The following MACROD2 variants were observed in gnomAD, a reference collection of about 807,000 sequenced individuals.
The protein encoded by MACROD2 is ADP-ribose glycohydrolase MACROD2.
In MACROD2, 36 loss-of-function variants were observed where a neutral mutation model predicts 70.4. The ratio of observed to expected loss-of-function variants is 0.51; its 90% CI spans 0.39 to 0.68. MACROD2 has a LOEUF of 0.68. Ranked by LOEUF, MACROD2 falls within the 30% of genes least tolerant of loss-of-function variation. MACROD2 has a pLI of 0.00. For synonymous variants in MACROD2, 172 were observed against 178.8 expected (o/e 0.96, Z 0.30); for missense variants, 496 against 538.4 (o/e 0.92, Z 0.78).
chr20:15,936,806 C>T (rs1237518735), intron 11 of MACROD2, among the ~76,000 whole-genome samples: 2 of 152,016 alleles, frequency 1.3e-5, no homozygotes, highest in African/African-American at 2.4e-5. Context: ...GGAGGCCAAA[C>T]ATGACTAGAG....
chr20:14,765,231 T>A (rs1031176782), intron 5 of MACROD2, among the ~76,000 whole-genome samples: 5 of 152,004 alleles, frequency 3.3e-5, no homozygotes, highest in Admixed American at 2.0e-4. Context: ...CTCTATTCCC[T>A]CCCCGCTTTC....
rs192536154 is a variant in MACROD2 at position 14,825,744 on chromosome 20, T to G, written c.418+140785T>G. On this transcript the variant is annotated intron_variant, in intron 5 of 17. Coordinates refer to ENST00000684519, the MANE Select transcript of MACROD2 (RefSeq NM_001351661.2). ...AATATGAGCCAATTTTCACAATAAC[T>G]TGTTTTATTCATGGCCTTCACATTT... is the stretch of plus-strand genomic sequence containing the variant. Among the ~76,000 whole-genome samples the G allele has an allele frequency of 2.4e-3, 371 of 152,266 alleles. 4 individuals are homozygous for G. The highest frequency in any genetic ancestry group is 8.7e-3 in the African/African-American group (361 of 41,568).
chr20:15,662,704 G>C (rs1365846466), intron 8 of MACROD2, among the ~76,000 whole-genome samples: 8 of 127,582 alleles, frequency 6.3e-5, no homozygotes. Flanking sequence ...GCTTGTACAA[G>C]CTCAGAGAGG....
chr20:15,674,910 G>A (rs2050035838), intron 8 of MACROD2, among the ~76,000 whole-genome samples: 1 of 152,134 alleles, frequency 6.6e-6, no homozygotes, highest in Non-Finnish European at 1.5e-5. Context: ...ATTACTTTTA[G>A]TTTTATGGCA....
chr20:15,171,362 C>T, intron 5 of MACROD2, among the ~76,000 whole-genome samples: 1 of 151,646 alleles, frequency 6.6e-6, no homozygotes, highest in Admixed American at 6.6e-5. Context: ...ATCTCCTCCC[C>T]TCCATCCTTC....
At chr20:14,826,178 G>C (rs1357939317) in intron 5 of MACROD2, among the ~76,000 whole-genome samples, 1 of 151,314 alleles carries the variant, frequency 6.6e-6, no homozygotes, top group African/African-American at 2.4e-5. Context: ...TCAATTCCTT[G>C]AGTAATAAAA....
intron 5 of MACROD2, among the ~76,000 whole-genome samples, chr20:14,979,912 A>G (rs1251979697): frequency 6.6e-6 from 1 of 152,212 alleles, no homozygotes; most frequent in East Asian, 1.9e-4. Context: ...TTTACTTCCC[A>G]ATCTATAAAA....
chr20:15,415,994 T>A (rs1270837977), intron 6 of MACROD2, among the ~76,000 whole-genome samples: 5 of 152,222 alleles, frequency 3.3e-5, no homozygotes, highest in African/African-American at 1.2e-4. Context: ...AGCATTTATT[T>A]AGTGAATGGC....
At chr20:14,037,959 T>C (rs554077735) in intron 2 of MACROD2, among the ~76,000 whole-genome samples, 195 of 151,920 alleles carry the variant, frequency 1.3e-3, no homozygotes, top group Middle Eastern at 3.4e-3. Context: ...AGCAGTGAGC[T>C]TGTGAGGGTA....
intron 3 of MACROD2, among the ~76,000 whole-genome samples, chr20:14,113,579 T>G (rs144605594): frequency 2.0e-3 from 297 of 152,192 alleles, no homozygotes; most frequent in African/African-American, 6.7e-3. Flanking sequence ...AGAAAGAGGA[T>G]GAATTCCAGT....
intron 5 of MACROD2, among the ~76,000 whole-genome samples, chr20:14,734,508 A>AG (rs1258629737): frequency 1.4e-5 from 2 of 143,154 alleles, no homozygotes; most frequent in Non-Finnish European, 3.0e-5. Flanking sequence ...ATCAAAAAAA[A>AG]CAAAAAAACA....
At chr20:15,282,210 A>C (rs1041529816) in intron 6 of MACROD2, among the ~76,000 whole-genome samples, 6 of 152,230 alleles carry the variant, frequency 3.9e-5, no homozygotes, top group Non-Finnish European at 8.8e-5. Flanking sequence ...GGCTGCTGTG[A>C]CAACCTCTGA....
chr20:15,469,313 T>A (rs2046935021), intron 7 of MACROD2, among the ~76,000 whole-genome samples: 1 of 152,080 alleles, frequency 6.6e-6, no homozygotes, highest in South Asian at 2.1e-4. Flanking sequence ...AAAGGTAGAA[T>A]TCATTTGCAG....
intron 7 of MACROD2, 58 bp from the exon 8 acceptor site, chr20:15,499,716 G>A (rs1251749008): frequency 2.0e-6 from 3 of 1,502,584 alleles, no homozygotes; most frequent in East Asian, 2.3e-5. Context: ...AGCGTGATTA[G>A]CCTCCCTTTT....
intron 5 of MACROD2, among the ~76,000 whole-genome samples, chr20:15,137,579 G>A (rs71331807): frequency 0.081 from 9,678 of 119,796 alleles, 494 homozygotes; most frequent in East Asian, 0.3. Flanking sequence ...GGAGGGGGGA[G>A]GGATAGCATT....
chr20:14,762,932 AAAACAAAC>A (rs749076636), intron 5 of MACROD2, among the ~76,000 whole-genome samples: 4 of 152,176 alleles, frequency 2.6e-5, no homozygotes, highest in East Asian at 1.9e-4. Flanking sequence ...TCCGTCTCAA[AAAACAAAC>A]AAACAAACAA....
Position 14,565,766 on chromosome 20 carries a change from TC to T in MACROD2, c.301+72263del, listed in dbSNP as rs565860378. Among the ~76,000 whole-genome samples the T allele has an allele frequency of 1.2e-3, 185 of 152,002 alleles. 1 individual carries two copies. Among genetic ancestry groups the T allele is most frequent in the Non-Finnish European group, 2.3e-3 (155 of 67,906 alleles). On this transcript the variant is annotated intron_variant, in intron 4 of 17. Coordinates refer to ENST00000684519, the MANE Select transcript of MACROD2 (RefSeq NM_001351661.2). ...CCATTTACTCTCCTCCTACTCTAAG[TC>T]CCCCTGCCTTTCTCTGGCTTGCTGC...
At chr20:15,891,646 G>A (rs996551716) in intron 10 of MACROD2, among the ~76,000 whole-genome samples, 3 of 152,272 alleles carry the variant, frequency 2.0e-5, no homozygotes, top group East Asian at 1.9e-4. Flanking sequence ...TAGAACTTAC[G>A]ATTGCTTCAA....
chr20:14,138,900 A>G (rs1175124939), intron 3 of MACROD2, among the ~76,000 whole-genome samples: 1 of 152,158 alleles, frequency 6.6e-6, no homozygotes, highest in East Asian at 1.9e-4. Context: ...TACACCTTAA[A>G]TATGTATAAT....
Sources: gnomAD v4.1 joint callset for allele counts (sites outside exome capture counted in the v4.1 genomes callset) on GRCh38, gnomAD v4.1.1 for gene constraint, MANE v1.5 for transcripts, NCBI Gene and HGNC (gene_info 2026-07-23, HGNC 2026-07-21) for gene names.